The following CNIH3 variants were observed in gnomAD, a reference collection of about 807,000 sequenced individuals.
The protein encoded by CNIH3 is cornichon family AMPA receptor auxiliary protein 3, also known as protein cornichon homolog 3.
A neutral mutation model predicts 24.1 loss-of-function variants in CNIH3; 14 were observed. The ratio of observed to expected loss-of-function variants is 0.58; its 90% CI spans 0.38 to 0.91. The LOEUF is 0.91. CNIH3 is among the 40% of genes least tolerant of loss of function. The probability of loss-of-function intolerance (pLI) is 0.00; values close to 1 mark genes in which losing one functional copy is unlikely to be tolerated. For synonymous variants in CNIH3, 68 were observed against 73.8 expected (o/e 0.92, Z 0.40); for missense variants, 178 against 196.8 (o/e 0.90, Z 0.57).
intron 3 of CNIH3, among the ~76,000 whole-genome samples, chr1:224,718,613 G>A (rs1358348073): frequency 1.3e-5 from 2 of 152,176 alleles, no homozygotes; most frequent in Admixed American, 6.5e-5. Flanking sequence ...GAGTGAAAGT[G>A]AGGGGACCAG....
At chr1:224,575,481 A>G in intron 4 of CNIH3, 1 of 595,330 alleles carries the variant, frequency 1.7e-6, no homozygotes, top group Non-Finnish European at 3.0e-6. Flanking sequence ...GGCCTGTGTC[A>G]CTCAGCAGTG....
chr1:224,693,307 GGGCACT>G (rs1687016662), intron 3 of CNIH3, among the ~76,000 whole-genome samples: 1 of 152,208 alleles, frequency 6.6e-6, no homozygotes, highest in South Asian at 2.1e-4. Context: ...CCTAACACAT[GGGCACT>G]GGCTTTTCAC....
chr1:224,687,895 G>A (rs61827156), intron 3 of CNIH3, among the ~76,000 whole-genome samples: 6,030 of 152,324 alleles, frequency 0.04, 163 homozygotes, highest in Non-Finnish European at 0.066. Context: ...GATTGGTTAG[G>A]ACATGGGAGA....
rs1245760272 is a variant in CNIH3, at chr1:224,703,064, C to G, written c.198+18221C>G. ...TTTTATAAATGCTGCCAAGATAGCT[C>G]CAGTATGCAGGCAGAGGCAAACCAT... On this transcript the variant is annotated intron_variant, in intron 3 of 5. Coordinates refer to ENST00000272133, the MANE Select transcript of CNIH3 (RefSeq NM_152495.2). The surrounding 1 kb of genome is among the most constrained non-coding windows in gnomAD (Gnocchi z 4.2). 6.6e-6 allele frequency among the ~76,000 whole-genome samples: 1 copy of G among 152,150 alleles called. No homozygotes were observed. The highest frequency in any genetic ancestry group is 1.5e-5 in the Non-Finnish European group (1 of 68,016).
At chr1:224,450,402 T>G (rs879592053) in intron 1 of CNIH3, among the ~76,000 whole-genome samples, 6 of 152,182 alleles carry the variant, frequency 3.9e-5, no homozygotes, top group Non-Finnish European at 7.3e-5. Flanking sequence ...CCCTGTCTAC[T>G]GAATGGCCAG....
At chr1:224,689,447 A>G (rs538513762) in intron 3 of CNIH3, among the ~76,000 whole-genome samples, 29 of 151,866 alleles carry the variant, frequency 1.9e-4, no homozygotes, top group African/African-American at 5.6e-4. Flanking sequence ...ATCCCCTCCC[A>G]TTTTCTTAGG....
chr1:224,696,058 T>C (rs1225716107), intron 3 of CNIH3, among the ~76,000 whole-genome samples: 2 of 152,144 alleles, frequency 1.3e-5, no homozygotes, highest in Admixed American at 6.5e-5. Context: ...TAACCGTGAC[T>C]GAAACATGAT....
intron 5 of CNIH3, among the ~76,000 whole-genome samples, chr1:224,735,386 T>G (rs1179424482): frequency 6.6e-6 from 1 of 152,202 alleles, no homozygotes; most frequent in Non-Finnish European, 1.5e-5. Context: ...GAGAGTGCCT[T>G]TTCCGCAAAT....
At chr1:224,584,643 A>G (rs570928508) in intron 5 of CNIH3, among the ~76,000 whole-genome samples, 43 of 152,316 alleles carry the variant, frequency 2.8e-4, no homozygotes, top group African/African-American at 1.0e-3. Context: ...TGCATTTATC[A>G]TTTGATATAT....
At chr1:224,662,914 G>T (rs1006336362) in intron 1 of CNIH3, among the ~76,000 whole-genome samples, 4 of 152,094 alleles carry the variant, frequency 2.6e-5, no homozygotes, top group African/African-American at 9.7e-5. Context: ...AGTTTCCAAG[G>T]CAGTTTTATT....
At chr1:224,641,711 C>G (rs140006242) in intron 1 of CNIH3, among the ~76,000 whole-genome samples, 1 of 152,196 alleles carries the variant, frequency 6.6e-6, no homozygotes, top group Admixed American at 6.5e-5. Flanking sequence ...AAAGGAAGAT[C>G]GGCCAACTCT....
At chr1:224,463,414 C>CTTT (rs35920703) in intron 1 of CNIH3, among the ~76,000 whole-genome samples, 1 of 147,318 alleles carries the variant, frequency 6.8e-6, no homozygotes, top group African/African-American at 2.5e-5. Flanking sequence ...GAATACAAGT[C>CTTT]TTTTTTTTTT....
intron 1 of CNIH3, among the ~76,000 whole-genome samples, chr1:224,501,692 T>C (rs1558111816): frequency 6.6e-6 from 1 of 151,948 alleles, no homozygotes; most frequent in Non-Finnish European, 1.5e-5. Context: ...GCGATTTTCC[T>C]GTCTCAGCCT....
chr1:224,479,400 C>T (rs35804313), intron 1 of CNIH3, among the ~76,000 whole-genome samples: 30,871 of 151,926 alleles, frequency 0.2, 3,378 homozygotes, highest in Non-Finnish European at 0.23. Context: ...GTGATCTGCC[C>T]GCCTTGGCCT....
In CNIH3 at chr1:224,532,525, G is replaced by A. The variant is rs547888169; in HGVS notation, n.344-4411G>A. ...AGAGGTGATGGCGGCTCCCATCTGGGTGGTGGTACTGGAAGTGGGCAGAAG... is the reference window on the plus strand; with the variant it reads ...AGAGGTGATGGCGGCTCCCATCTGGATGGTGGTACTGGAAGTGGGCAGAAG... On this transcript the variant is annotated intron_variant and non_coding_transcript_variant, in intron 2 of 2. Transcript: ENST00000470602. Among the ~76,000 whole-genome samples the A allele has an allele frequency of 1.2e-4, 19 of 152,332 alleles. No individual in the cohort carries two copies. The South Asian group carries it at 2.7e-3, about 22-fold the overall frequency.
chr1:224,511,232 C>T (rs1678138494), upstream of CNIH3, among the ~76,000 whole-genome samples: 1 of 152,180 alleles, frequency 6.6e-6, no homozygotes, highest in South Asian at 2.1e-4. Context: ...GGCTCTATTC[C>T]CAATTCAGTC....
At chr1:224,577,026 G>A (rs376194495) in intron 4 of CNIH3, among the ~76,000 whole-genome samples, 11 of 152,094 alleles carry the variant, frequency 7.2e-5, no homozygotes, top group African/African-American at 1.7e-4. Flanking sequence ...GAAGAATGAA[G>A]CTGGCTCCTC....
At chr1:224,726,461 T>C (rs1191546441) in intron 3 of CNIH3, among the ~76,000 whole-genome samples, 1 of 152,168 alleles carries the variant, frequency 6.6e-6, no homozygotes, top group Non-Finnish European at 1.5e-5. Flanking sequence ...GGGTAGGAAG[T>C]CAGGACAGGT....
chr1:224,705,754 A>G (rs1409973917), intron 3 of CNIH3, among the ~76,000 whole-genome samples: 1 of 151,938 alleles, frequency 6.6e-6, no homozygotes, highest in Admixed American at 6.6e-5. Flanking sequence ...TGCTCCAGCC[A>G]CACTGAATTA....
Sources: allele counts gnomAD v4.1 joint callset (sites outside exome capture counted in the v4.1 genomes callset), GRCh38; gene constraint gnomAD v4.1.1; non-coding constraint Gnocchi (gnomAD v3.1); transcripts MANE v1.5; gene names NCBI Gene and HGNC (gene_info 2026-07-23, HGNC 2026-07-21).